The following HAO1 variants were observed in gnomAD, a reference collection of about 807,000 sequenced individuals.
HAO1 encodes the protein 2-Hydroxyacid oxidase 1.
HAO1 carries 34 observed loss-of-function variants against 39.7 expected under a neutral mutation model. That is an observed-to-expected ratio of 0.86 (90% CI 0.65 to 1.14). The LOEUF (loss-of-function observed/expected upper bound fraction) is 1.14. Among genes scored for constraint, HAO1 ranks in the 50% most tolerant of loss-of-function variants. The pLI, the probability that HAO1 is intolerant of heterozygous loss-of-function variation, is 0.00. For missense variants in HAO1, 479 were observed against 464.5 expected (o/e 1.03, Z -0.29); for synonymous variants, 172 against 173.2 (o/e 0.99, Z 0.05).
chr20:7,928,737 T>C (rs911359587), intron 2 of HAO1, among the ~76,000 whole-genome samples: 4 of 152,118 alleles, frequency 2.6e-5, no homozygotes, highest in Non-Finnish European at 5.9e-5. Flanking sequence ...ATAAAACTAG[T>C]TCTCGGTAAA....
chr20:7,885,456 C>G, intron 7 of HAO1, 65 bp downstream of exon 7: 3 of 1,032,032 alleles, frequency 2.9e-6, no homozygotes. Flanking sequence ...TCACTTCTCT[C>G]CACCAAGGAC....
At chr20:7,907,444 C>T (rs1196639819) in intron 3 of HAO1, among the ~76,000 whole-genome samples, 3 of 152,100 alleles carry the variant, frequency 2.0e-5, no homozygotes, top group African/African-American at 4.8e-5. Flanking sequence ...CTTCAGTTGC[C>T]CCGACTGTAG....
chr20:7,912,064 T>A (rs1216711791), intron 3 of HAO1, among the ~76,000 whole-genome samples: 1 of 152,118 alleles, frequency 6.6e-6, no homozygotes. Context: ...CTGCGGGGTG[T>A]TTCCCGTGTT....
chr20:7,928,566 A>G (rs1311113538), intron 2 of HAO1, among the ~76,000 whole-genome samples: 1 of 151,744 alleles, frequency 6.6e-6, no homozygotes, highest in African/African-American at 2.4e-5. Context: ...AATGCAACAC[A>G]AGTAGCTCAT....
At chr20:7,924,974 G>A (rs1269373924) in intron 2 of HAO1, among the ~76,000 whole-genome samples, 5 of 152,098 alleles carry the variant, frequency 3.3e-5, no homozygotes, top group Non-Finnish European at 2.9e-5. Flanking sequence ...TCTAAACTCA[G>A]GGCCTGTCAT....
intron 1 of HAO1, among the ~76,000 whole-genome samples, chr20:7,938,357 T>C (rs932123059): frequency 1.3e-5 from 2 of 149,044 alleles, no homozygotes; most frequent in Non-Finnish European, 3.0e-5. Flanking sequence ...GCATCAGCTG[T>C]CCTCCAAAGA....
rs141425095 is a variant in HAO1 at position 7,899,498 on chromosome 20, G to T, written c.722-4274C>A. Among the ~76,000 whole-genome samples the T allele has an allele frequency of 2.0e-5, 3 of 152,204 alleles. No individual in the cohort carries two copies. The East Asian group carries it at 5.8e-4, about 29-fold the overall frequency. On this transcript the variant is annotated intron_variant, in intron 4 of 7. Coordinates refer to ENST00000378789, the MANE Select transcript of HAO1 (RefSeq NM_017545.3). The stretch of plus-strand genomic sequence containing the variant: ...CTAGTCAAGATTACTATGATAAAGT[G>T]CCTCCCATTTGAATTAAATGTTTCT...
At chr20:7,939,856 G>A (rs966036836) in intron 1 of HAO1, among the ~76,000 whole-genome samples, 7 of 152,134 alleles carry the variant, frequency 4.6e-5, no homozygotes, top group South Asian at 2.1e-4. Flanking sequence ...ATGATAACAC[G>A]AAAAGCCAGC....
In HAO1 at chr20:7,928,819, G is replaced by A. The variant is rs186558922; in HGVS notation, c.289+5665C>T. ...TGTAGCCCACAAAAGTATTTACTTT[G>A]GCCCACACATTGTTGCCCCAAACAG... On this transcript the variant is annotated intron_variant, in intron 2 of 7. Coordinates refer to ENST00000378789, the MANE Select transcript of HAO1 (RefSeq NM_017545.3). Among the ~76,000 whole-genome samples the A allele has an allele frequency of 9.9e-5, 15 of 152,100 alleles. 1 individual carries two copies. The highest frequency in any genetic ancestry group is 2.4e-4 in the African/African-American group (10 of 41,418).
chr20:7,933,470 C>T (rs2050395684), intron 2 of HAO1, among the ~76,000 whole-genome samples: 1 of 151,482 alleles, frequency 6.6e-6, no homozygotes, highest in South Asian at 2.1e-4. Flanking sequence ...ACTTATGTTT[C>T]AGGATTACCA....
chr20:7,938,293 G>A, intron 1 of HAO1, among the ~76,000 whole-genome samples: 1 of 152,076 alleles, frequency 6.6e-6, no homozygotes, highest in Admixed American at 6.5e-5. Context: ...CAGCAAAAGA[G>A]GACACATTGC....
At position 7,883,677 on chromosome 20, in the gene HAO1, G is replaced by A. The variant is rs969879837; in HGVS notation, c.1043-14C>T. Reference sequence around the variant, plus strand: ...CATTCTGGCACCCTGAAAAAATAATGCATACATTTAATATGAACTGAATGC... The same window carrying A: ...CATTCTGGCACCCTGAAAAAATAATACATACATTTAATATGAACTGAATGC... On this transcript the variant is annotated splice_polypyrimidine_tract_variant and intron_variant, in intron 7 of 7. Coordinates refer to ENST00000378789, the MANE Select transcript of HAO1 (RefSeq NM_017545.3). 3 of 1,564,364 alleles carry A rather than the reference G, an allele frequency of 1.9e-6. No individual in the cohort carries two copies. The highest frequency in any genetic ancestry group is 2.6e-6 in the Non-Finnish European group (3 of 1,134,834).
chr20:7,937,682 G>A (rs1296984353), intron 1 of HAO1, among the ~76,000 whole-genome samples: 1 of 152,114 alleles, frequency 6.6e-6, no homozygotes, highest in Non-Finnish European at 1.5e-5. Flanking sequence ...ACAACGTGAA[G>A]ACCATAGTTG....
intron 5 of HAO1, among the ~76,000 whole-genome samples, chr20:7,887,130 C>T (rs1391598937): frequency 6.6e-6 from 1 of 152,150 alleles, no homozygotes; most frequent in African/African-American, 2.4e-5. Flanking sequence ...TGTCATATGG[C>T]AGTAGCTAAC....
intron 5 of HAO1, among the ~76,000 whole-genome samples, chr20:7,893,301 G>A (rs923741123): frequency 4.6e-5 from 7 of 152,130 alleles, no homozygotes; most frequent in African/African-American, 9.7e-5. Flanking sequence ...CTGAGTGTAG[G>A]CCAGACTAAC....
intron 2 of HAO1, among the ~76,000 whole-genome samples, chr20:7,917,339 CAAAAA>C (rs55848354): frequency 1.6e-5 from 1 of 62,408 alleles, no homozygotes. Flanking sequence ...GACTCCCTGT[CAAAAA>C]AAAAAAAAAA....
intron 2 of HAO1, among the ~76,000 whole-genome samples, chr20:7,915,139 T>G (rs567450229): frequency 1.3e-5 from 2 of 152,154 alleles, no homozygotes; most frequent in African/African-American, 2.4e-5. Flanking sequence ...ATAATATTAT[T>G]ATGATAATCA....
intron 5 of HAO1, among the ~76,000 whole-genome samples, chr20:7,888,517 G>A (rs1254203086): frequency 6.6e-6 from 1 of 152,178 alleles, no homozygotes; most frequent in Non-Finnish European, 1.5e-5. Flanking sequence ...GAGGTGCTTA[G>A]TTAAACGCAA....
At chr20:7,898,237 C>G (rs2050206109) in intron 4 of HAO1, among the ~76,000 whole-genome samples, 1 of 152,128 alleles carries the variant, frequency 6.6e-6, no homozygotes, top group Non-Finnish European at 1.5e-5. Context: ...TCTCTGCCAT[C>G]CTTGCAGACT....
Sources: allele counts gnomAD v4.1 joint callset (sites outside exome capture counted in the v4.1 genomes callset), GRCh38; gene constraint gnomAD v4.1.1; transcripts MANE v1.5; gene names NCBI Gene and HGNC (gene_info 2026-07-23, HGNC 2026-07-21).